Variants in NXPE2 observed in about 807,000 individuals in gnomAD.
The protein encoded by NXPE2 is neurexophilin and PC-esterase domain family member 2.
Under a neutral mutation model 34.4 loss-of-function variants are expected in NXPE2, and 34 were observed. That is an observed-to-expected ratio of 0.99 (90% CI 0.75 to 1.31). The LOEUF is 1.31. NXPE2 is among the 40% of genes most tolerant of loss of function. NXPE2 has a pLI of 0.00. For synonymous variants in NXPE2, 235 were observed against 231.3 expected, an observed-to-expected ratio of 1.02 and a Z score of -0.15; for missense variants, 649 against 672.5, an observed-to-expected ratio of 0.97 and a Z score of 0.39.
At chr11:114,647,930 G>C in the NXPE2 span, among the ~76,000 whole-genome samples, 1 of 152,130 alleles carries the variant, frequency 6.6e-6, no homozygotes, top group East Asian at 1.9e-4. Flanking sequence ...TTGAACTCCT[G>C]ACCTCGTGAT....
chr11:114,515,771 A>G, the NXPE2 span, among the ~76,000 whole-genome samples: 1 of 98,916 alleles, frequency 1.0e-5, no homozygotes, highest in Non-Finnish European at 1.9e-5. Context: ...GTCTTTCTGA[A>G]GTAGAGCAAT....
the NXPE2 span, among the ~76,000 whole-genome samples, chr11:114,808,234 G>A: frequency 6.6e-6 from 1 of 152,088 alleles, no homozygotes; most frequent in Non-Finnish European, 1.5e-5. Context: ...GCCCACAAGA[G>A]GAAGCAGGAA....
chr11:114,773,283 C>CG, the NXPE2 span, among the ~76,000 whole-genome samples: 1,988 of 82,300 alleles, frequency 0.024, 79 homozygotes, highest in Non-Finnish European at 0.043. Flanking sequence ...ACTCCCACCC[C>CG]CCCCCCACCC....
chr11:114,663,535 C>T, the NXPE2 span, among the ~76,000 whole-genome samples: 1 of 151,746 alleles, frequency 6.6e-6, no homozygotes, highest in Non-Finnish European at 1.5e-5. Context: ...TGTAAGGTCA[C>T]CAGGCCCCTT....
At chr11:114,745,915 T>C in the NXPE2 span, among the ~76,000 whole-genome samples, 5 of 152,104 alleles carry the variant, frequency 3.3e-5, no homozygotes, top group Non-Finnish European at 7.4e-5. Context: ...TGCCTGCATT[T>C]TAATAAGTTT....
the NXPE2 span, among the ~76,000 whole-genome samples, chr11:114,743,916 CAT>C: frequency 9.1e-3 from 1,378 of 150,868 alleles, 17 homozygotes; most frequent in African/African-American, 0.031. Context: ...TATATTTACA[CAT>C]ATATGTATAT....
At chr11:114,785,143 T>C in the NXPE2 span, among the ~76,000 whole-genome samples, 1 of 152,020 alleles carries the variant, frequency 6.6e-6, no homozygotes, top group African/African-American at 2.4e-5. Context: ...ATGTTCAAAA[T>C]GGCGACACAG....
chr11:114,566,568 A>C, the NXPE2 span, among the ~76,000 whole-genome samples: 1 of 152,158 alleles, frequency 6.6e-6, no homozygotes, highest in South Asian at 2.1e-4. Flanking sequence ...CATAAACCCA[A>C]CTGGAATGTG....
At chr11:114,746,795 G>A in the NXPE2 span, among the ~76,000 whole-genome samples, 10 of 151,052 alleles carry the variant, frequency 6.6e-5, no homozygotes, top group South Asian at 2.1e-4. Context: ...AGGTTGCAGC[G>A]AGCCAAGATA....
At chr11:114,677,905 C>G (rs1181101732), upstream of NXPE2, among the ~76,000 whole-genome samples, 2 of 152,090 alleles carry the variant, frequency 1.3e-5, no homozygotes, top group East Asian at 1.9e-4. Context: ...CACTGAAAAT[C>G]CTTAGTGTCA....
the NXPE2 span, among the ~76,000 whole-genome samples, chr11:114,521,336 C>T: frequency 6.6e-6 from 1 of 152,186 alleles, no homozygotes; most frequent in Non-Finnish European, 1.5e-5. Flanking sequence ...TTTCAATTAA[C>T]TGCAGTCATT....
the NXPE2 span, among the ~76,000 whole-genome samples, chr11:114,790,553 C>G: frequency 1.3e-5 from 2 of 152,164 alleles, no homozygotes; most frequent in African/African-American, 4.8e-5. Context: ...TTTTCGCTAT[C>G]CCCAATTTCC....
the NXPE2 span, chr11:114,522,247 G>A: frequency 6.8e-6 from 11 of 1,614,050 alleles, no homozygotes; most frequent in East Asian, 4.5e-5. Context: ...TTTGAACACC[G>A]ATGGCCCTGC....
chr11:114,795,215 G>A, the NXPE2 span, among the ~76,000 whole-genome samples: 26 of 152,272 alleles, frequency 1.7e-4, no homozygotes, highest in Admixed American at 1.0e-3. Context: ...GTTTGCAAGT[G>A]GTTGGAGAAG....
At chr11:114,763,085 C>A in the NXPE2 span, among the ~76,000 whole-genome samples, 1 of 152,108 alleles carries the variant, frequency 6.6e-6, no homozygotes, top group African/African-American at 2.4e-5. Context: ...GCTGGGATTG[C>A]TGTTAATTGC....
At chr11:114,513,372 C>G in the NXPE2 span, 1 of 404,858 alleles carries the variant, frequency 2.5e-6, no homozygotes, top group South Asian at 2.5e-5. Context: ...GCTGAAACTT[C>G]TGGACACAGT....
the NXPE2 span, among the ~76,000 whole-genome samples, chr11:114,536,706 C>G: frequency 2.0e-5 from 3 of 152,178 alleles, no homozygotes; most frequent in African/African-American, 7.2e-5. Flanking sequence ...TTCCTTGACA[C>G]ATACACTCTC....
the NXPE2 span, among the ~76,000 whole-genome samples, chr11:114,787,560 A>G: frequency 2.0e-5 from 3 of 152,202 alleles, no homozygotes; most frequent in Admixed American, 1.3e-4. Flanking sequence ...TGATCCCAGT[A>G]TATTTACTGA....
At chr11:114,813,232 A>G in the NXPE2 span, among the ~76,000 whole-genome samples, 1 of 152,234 alleles carries the variant, frequency 6.6e-6, no homozygotes, top group Non-Finnish European at 1.5e-5. Context: ...AGGAGCTGCC[A>G]TGAGATCCTC....
Sources: allele counts gnomAD v4.1 joint callset (sites outside exome capture counted in the v4.1 genomes callset), GRCh38; gene constraint gnomAD v4.1.1; transcripts MANE v1.5; gene names NCBI Gene and HGNC (gene_info 2026-07-23, HGNC 2026-07-21).